Variants in ATP9B observed in about 807,000 individuals in gnomAD.
ATP9B encodes probable phospholipid-transporting ATPase IIB.
ATP9B carries 110 observed loss-of-function variants against 146.1 expected under a neutral mutation model. The ratio of observed to expected loss-of-function variants is 0.75; its 90% CI spans 0.65 to 0.88. The LOEUF is 0.88. Among genes scored for constraint, ATP9B ranks in the 40% least tolerant of loss-of-function variants. ATP9B has a pLI of 0.00. For synonymous variants in ATP9B, 604 were observed against 569.7 expected, an observed-to-expected ratio of 1.06 and a Z score of -0.86; for missense variants, 1,499 against 1,496.4, an observed-to-expected ratio of 1.00 and a Z score of -0.03.
intron 9 of ATP9B, among the ~76,000 whole-genome samples, chr18:79,205,201 C>CT (rs1447929380): frequency 6.6e-6 from 1 of 152,170 alleles, no homozygotes; most frequent in Non-Finnish European, 1.5e-5. Flanking sequence ...ATTGAAAATA[C>CT]TTTAGTTACT....
At chr18:79,267,972 A>G (rs748161448) in intron 12 of ATP9B, among the ~76,000 whole-genome samples, 12 of 151,860 alleles carry the variant, frequency 7.9e-5, no homozygotes, top group African/African-American at 1.5e-4. Context: ...GACTTTGTCT[A>G]TTTTTCCTTG....
intron 15 of ATP9B, among the ~76,000 whole-genome samples, chr18:79,314,656 A>G (rs1411401919): frequency 2.0e-5 from 3 of 152,236 alleles, no homozygotes; most frequent in East Asian, 1.9e-4. Context: ...TAAGTGATCA[A>G]TATTTCATTT....
chr18:79,110,203 A>G lies in ATP9B; in HGVS notation c.294-152A>G, dbSNP rs564977254. ...TTTAAATTTGTGTAACCAACCTATT[A>G]TAAGAAAAACCCCACAAATTAGCAT... On this transcript the variant is annotated intron_variant, in intron 2 of 29. Coordinates refer to ENST00000426216, the MANE Select transcript of ATP9B (RefSeq NM_198531.5). The G allele has an allele frequency of 4.6e-5, 31 of 673,822 alleles. No homozygotes were observed. The African/African-American group carries it at 4.9e-4, about 11-fold the overall frequency. 41.7% of individuals were successfully genotyped at this position (673,822 alleles called of 1,614,324 possible).
intron 19 of ATP9B, among the ~76,000 whole-genome samples, chr18:79,337,975 G>C (rs920293512): frequency 6.6e-5 from 10 of 152,146 alleles, no homozygotes; most frequent in African/African-American, 2.2e-4. Flanking sequence ...GTGAGCACAG[G>C]GTACGTCCAT....
chr18:79,341,462 C>T (rs112413282), intron 19 of ATP9B, among the ~76,000 whole-genome samples: 1 of 28,572 alleles, frequency 3.5e-5, no homozygotes, highest in Non-Finnish European at 6.6e-5. Context: ...CTCGTTGAAG[C>T]CTGTGTTGCC....
chr18:79,138,803 G>A (rs940797751), intron 5 of ATP9B, among the ~76,000 whole-genome samples: 4 of 146,122 alleles, frequency 2.7e-5, no homozygotes, highest in South Asian at 2.4e-4. Context: ...AGTATTGGCC[G>A]GGTGTGGTGG....
intron 7 of ATP9B, among the ~76,000 whole-genome samples, chr18:79,175,495 G>A (rs896451301): frequency 6.6e-6 from 1 of 151,970 alleles, no homozygotes; most frequent in Non-Finnish European, 1.5e-5. Flanking sequence ...CACACACACA[G>A]AAGCATTTGC....
Position 79,070,822 on chromosome 18 carries a change from CT to C in ATP9B, c.119+1301del, listed in dbSNP as rs370336061. 1.5e-4 allele frequency among the ~76,000 whole-genome samples: 22 copies of C among 151,030 alleles called. No individual in the cohort carries two copies. The East Asian group carries it at 3.5e-3, about 24-fold the overall frequency. On this transcript the variant is annotated intron_variant, in intron 1 of 29. Coordinates refer to ENST00000426216, the MANE Select transcript of ATP9B (RefSeq NM_198531.5). ...TTAGATATTGATGTCGCCATTTATG[CT>C]TTTTTTTGGATTAATGTTTGCATGG...
intron 13 of ATP9B, among the ~76,000 whole-genome samples, chr18:79,302,450 G>T (rs915976114): frequency 1.2e-4 from 18 of 151,224 alleles, no homozygotes; most frequent in Non-Finnish European, 2.9e-5. Context: ...TGAAATAAGT[G>T]CACACACCCC....
intron 8 of ATP9B, among the ~76,000 whole-genome samples, chr18:79,184,499 T>C (rs945971325): frequency 3.9e-5 from 6 of 152,186 alleles, no homozygotes; most frequent in African/African-American, 1.4e-4. Flanking sequence ...CGACTTGCTT[T>C]TGGTTTTTTT....
chr18:79,078,539 T>C (rs73971375), intron 1 of ATP9B, among the ~76,000 whole-genome samples: 2,249 of 151,604 alleles, frequency 0.015, 66 homozygotes, highest in African/African-American at 0.051. Context: ...GTTTACATTT[T>C]TTCTTTTTTC....
intron 2 of ATP9B, among the ~76,000 whole-genome samples, chr18:79,109,201 T>C (rs1024357579): frequency 4.6e-5 from 7 of 152,244 alleles, no homozygotes; most frequent in African/African-American, 4.8e-5. Context: ...CAACTTCCTT[T>C]AGTAAGCCAT....
chr18:79,374,247 A>C, intron 28 of ATP9B, 146 bp downstream of exon 28: 1 of 978,712 alleles, frequency 1.0e-6, no homozygotes, highest in Non-Finnish European at 1.5e-6. Flanking sequence ...CTGTCCCTGC[A>C]CCACGGATGA....
intron 2 of ATP9B, among the ~76,000 whole-genome samples, chr18:79,109,537 T>G (rs1016978571): frequency 6.6e-6 from 1 of 151,678 alleles, no homozygotes; most frequent in Admixed American, 6.6e-5. Flanking sequence ...AACATTTGTA[T>G]CCTCTTTAAA....
intron 25 of ATP9B, among the ~76,000 whole-genome samples, chr18:79,358,892 T>A (rs28522247): frequency 8.0e-6 from 1 of 124,814 alleles, no homozygotes; most frequent in East Asian, 2.5e-4. Context: ...TGTGAGGGAC[T>A]CTGTGTGAGG....
intron 9 of ATP9B, among the ~76,000 whole-genome samples, chr18:79,200,762 C>CTGTCA (rs376428579): frequency 3.7e-5 from 1 of 26,788 alleles, no homozygotes; most frequent in Non-Finnish European, 8.8e-5. Flanking sequence ...GAGGTGGGAA[C>CTGTCA]GTTGGGGTCA....
chr18:79,321,302 G>A (rs2096714536), intron 15 of ATP9B, among the ~76,000 whole-genome samples: 1 of 152,148 alleles, frequency 6.6e-6, no homozygotes. Flanking sequence ...TGAGTACTTA[G>A]GTATGAATTC....
chr18:79,192,057 G>A (rs889685606), intron 8 of ATP9B, among the ~76,000 whole-genome samples: 1 of 151,998 alleles, frequency 6.6e-6, no homozygotes, highest in African/African-American at 2.4e-5. Context: ...GGTTCCATTC[G>A]TTTAGTGGAT....
At chr18:79,252,981 C>T (rs2096044062) in intron 11 of ATP9B, among the ~76,000 whole-genome samples, 1 of 152,324 alleles carries the variant, frequency 6.6e-6, no homozygotes. Context: ...GCAAGGAAGA[C>T]CCGCCTGCGC....
Sources: allele counts gnomAD v4.1 joint callset (sites outside exome capture counted in the v4.1 genomes callset), GRCh38; gene constraint gnomAD v4.1.1; transcripts MANE v1.5; gene names NCBI Gene and HGNC (gene_info 2026-07-23, HGNC 2026-07-21).